Variants in EIF2B3 observed in about 807,000 individuals in gnomAD.
The protein encoded by EIF2B3 is translation initiation factor eIF2B subunit gamma.
Under a neutral mutation model 54.1 loss-of-function variants are expected in EIF2B3, and 20 were observed. The ratio of observed to expected loss-of-function variants is 0.37; its 90% CI spans 0.26 to 0.54. The LOEUF (loss-of-function observed/expected upper bound fraction) is 0.54. Ranked by LOEUF, EIF2B3 falls within the 20% of genes least tolerant of loss-of-function variation. The pLI is 0.86. For missense variants in EIF2B3, 448 were observed against 547.8 expected (o/e 0.82, Z 1.82); for synonymous variants, 153 against 188.1 (o/e 0.81, Z 1.52).
At position 44,943,581 on chromosome 1, in the gene EIF2B3, G is replaced by C. The variant is rs556813461; in HGVS notation, c.295-1916C>G. The stretch of plus-strand genomic sequence containing the variant: ...ACTACAGGCGTGCCCCACCACACCT[G>C]GCTAATTTTTATTTTTATTTTTAGT... On this transcript the variant is annotated intron_variant, in intron 3 of 11. Coordinates refer to ENST00000360403, the MANE Select transcript of EIF2B3 (RefSeq NM_020365.5). Among the ~76,000 whole-genome samples, 35 of 151,126 alleles carry C rather than the reference G, an allele frequency of 2.3e-4. No individual in the cohort carries two copies. In the East Asian group the frequency reaches 6.6e-3, roughly 28 times the overall value.
chr1:44,929,561 T>C (rs1643879392), intron 4 of EIF2B3, among the ~76,000 whole-genome samples: 1 of 152,188 alleles, frequency 6.6e-6, no homozygotes, highest in Non-Finnish European at 1.5e-5. Context: ...TTGCAGAGAA[T>C]TTCAAATGCC....
chr1:44,858,070 C>CTTTTTTTT (rs3044232), intron 10 of EIF2B3, among the ~76,000 whole-genome samples: 1 of 127,422 alleles, frequency 7.8e-6, no homozygotes, highest in Admixed American at 8.7e-5. Flanking sequence ...ACTTCAGTTC[C>CTTTTTTTT]TTTTTTTTTT....
At chr1:44,935,944 T>G (rs2148937839) in intron 4 of EIF2B3, among the ~76,000 whole-genome samples, 1 of 151,820 alleles carries the variant, frequency 6.6e-6, no homozygotes, top group African/African-American at 2.4e-5. Context: ...CATTTTGGTT[T>G]TTTTTTTTTT....
chr1:44,926,750 C>G lies in EIF2B3; in HGVS notation c.455-11G>C, dbSNP rs527440686. On this transcript the variant is annotated splice_polypyrimidine_tract_variant and intron_variant, in intron 4 of 11. Transcript: ENST00000360403. The stretch of plus-strand genomic sequence containing the variant: ...AGTCACGCTGCTCCACTGAATCATA[C>G]AAAAGAAAAAAAAAATCAAATAAAG... 4 of 1,605,614 alleles carry G rather than the reference C, an allele frequency of 2.5e-6. No homozygotes were observed. The South Asian group carries it at 3.3e-5, about 13-fold the overall frequency.
At chr1:44,921,009 C>T (rs974891828) in intron 5 of EIF2B3, among the ~76,000 whole-genome samples, 1 of 152,176 alleles carries the variant, frequency 6.6e-6, no homozygotes, top group African/African-American at 2.4e-5. Context: ...TTCCCATAAA[C>T]AGTATATGAG....
chr1:44,975,169 T>C (rs528539479), intron 3 of EIF2B3, among the ~76,000 whole-genome samples: 2 of 152,038 alleles, frequency 1.3e-5, no homozygotes, highest in South Asian at 2.1e-4. Context: ...TGAGCCTTGA[T>C]CACACCACTG....
At chr1:44,884,591 A>C (rs1655517172) in intron 6 of EIF2B3, among the ~76,000 whole-genome samples, 1 of 152,202 alleles carries the variant, frequency 6.6e-6, no homozygotes, top group African/African-American at 2.4e-5. Context: ...TCCTTTGATG[A>C]AGATTTAAAA....
intron 5 of EIF2B3, among the ~76,000 whole-genome samples, chr1:44,921,856 CTT>C (rs1433356509): frequency 1.3e-5 from 2 of 151,512 alleles, no homozygotes; most frequent in African/African-American, 2.4e-5. Flanking sequence ...CTTAGGATAA[CTT>C]TGGCTATTCT....
chr1:44,875,294 G>T (rs1401833566), intron 9 of EIF2B3, among the ~76,000 whole-genome samples: 1 of 152,150 alleles, frequency 6.6e-6, no homozygotes, highest in Non-Finnish European at 1.5e-5. Context: ...CCTCTACCTG[G>T]ATTGGTTACA....
At chr1:44,867,491 G>GC (rs1413549947) in intron 10 of EIF2B3, among the ~76,000 whole-genome samples, 1 of 152,068 alleles carries the variant, frequency 6.6e-6, no homozygotes, top group African/African-American at 2.4e-5. Context: ...AGCCTCAGCA[G>GC]CCCACCACTG....
chr1:44,901,985 G>A (rs542181524), intron 5 of EIF2B3, among the ~76,000 whole-genome samples: 1 of 152,168 alleles, frequency 6.6e-6, no homozygotes, highest in South Asian at 2.1e-4. Flanking sequence ...TCTGTATGGA[G>A]TGAGGTAAGG....
intron 9 of EIF2B3, 151 bp from the exon 10 acceptor site, chr1:44,874,977 T>A: frequency 1.0e-6 from 1 of 958,420 alleles, no homozygotes; most frequent in Admixed American, 2.0e-5. Flanking sequence ...GGCCACAAGG[T>A]CATACAACAC....
At chr1:44,851,770 T>C (rs545952767) in intron 11 of EIF2B3, among the ~76,000 whole-genome samples, 1 of 152,284 alleles carries the variant, frequency 6.6e-6, no homozygotes, top group African/African-American at 2.4e-5. Context: ...TAATGACACC[T>C]ACTGCATAGG....
chr1:44,894,946 A>G (rs1013632589), intron 6 of EIF2B3, among the ~76,000 whole-genome samples: 1 of 152,164 alleles, frequency 6.6e-6, no homozygotes, highest in African/African-American at 2.4e-5. Context: ...CCCATCTCCC[A>G]CAACCTTTCA....
At chr1:44,875,767 A>C (rs1053519944) in intron 8 of EIF2B3, 72 bp from the exon 9 acceptor site, 66 of 1,143,418 alleles carry the variant, frequency 5.8e-5, no homozygotes, top group African/African-American at 2.8e-4. Flanking sequence ...CTCTCCCTCT[A>C]CCTCTCCCAC....
intron 3 of EIF2B3, among the ~76,000 whole-genome samples, chr1:44,962,676 A>G (rs536117324): frequency 2.4e-4 from 37 of 152,264 alleles, no homozygotes; most frequent in African/African-American, 8.2e-4. Context: ...TGGCCTCCCA[A>G]AGTGCTGGGA....
Position 44,946,627 on chromosome 1 carries a change from C to CTT in EIF2B3, c.295-4964_295-4963dup, listed in dbSNP as rs35199520. 3.5e-3 allele frequency among the ~76,000 whole-genome samples: 468 copies of CTT among 131,856 alleles called. 6 individuals carry two copies. The highest frequency in any genetic ancestry group is 8.4e-3 in the African/African-American group (300 of 35,886). The allele number at this position is 131,856 out of a possible 152,430, so 86.5% of individuals were successfully genotyped here. A position where few individuals can be genotyped will look rare whatever the true frequency, so the allele number is the denominator to read the frequency against. The stretch of plus-strand genomic sequence containing the variant: ...CTAATTTTAATTTCTTCTTCTTCTT[C>CTT]TTTTTTTTTTTTTTTTGTAGAGACG... On this transcript the variant is annotated intron_variant, in intron 3 of 11. Transcript: ENST00000360403.
intron 5 of EIF2B3, among the ~76,000 whole-genome samples, chr1:44,907,846 C>T (rs1009503534): frequency 3.5e-5 from 5 of 142,446 alleles, no homozygotes; most frequent in South Asian, 2.2e-4. Context: ...GCCGAGATCA[C>T]GCCATTGCAC....
At chr1:44,973,964 A>G (rs2148961892) in intron 3 of EIF2B3, among the ~76,000 whole-genome samples, 1 of 152,254 alleles carries the variant, frequency 6.6e-6, no homozygotes, top group East Asian at 1.9e-4. Flanking sequence ...CATTACCCTA[A>G]TGGAATTCCC....
Sources: gnomAD v4.1 joint callset for allele counts (sites outside exome capture counted in the v4.1 genomes callset) on GRCh38, gnomAD v4.1.1 for gene constraint, MANE v1.5 for transcripts, NCBI Gene and HGNC (gene_info 2026-07-23, HGNC 2026-07-21) for gene names.